ARFGEF1: variants seen among roughly 807,000 people sequenced by gnomAD.
ARFGEF1 encodes the protein brefeldin A-inhibited guanine nucleotide-exchange protein 1.
A neutral mutation model predicts 231.0 loss-of-function variants in ARFGEF1; 42 were observed. The ratio of observed to expected loss-of-function variants is 0.18; its 90% CI spans 0.14 to 0.24. ARFGEF1 has a LOEUF of 0.24. ARFGEF1 is among the 10% of genes least tolerant of loss of function. The pLI is 1.00. For missense variants in ARFGEF1, 1,345 were observed against 2,192.0 expected (o/e 0.61, Z 7.72); for synonymous variants, 710 against 732.3 (o/e 0.97, Z 0.49).
chr8:67,321,920 A>G (rs1807615350), intron 1 of ARFGEF1, among the ~76,000 whole-genome samples: 1 of 152,204 alleles, frequency 6.6e-6, no homozygotes, highest in South Asian at 2.1e-4. Flanking sequence ...GCTCTTCAGC[A>G]TGGCACACAA....
intron 6 of ARFGEF1, among the ~76,000 whole-genome samples, chr8:67,290,130 A>G (rs571985586): frequency 6.6e-6 from 1 of 152,360 alleles, no homozygotes; most frequent in African/African-American, 2.4e-5. Flanking sequence ...ATTTTCATTT[A>G]TATCAGCTAT....
intron 1 of ARFGEF1, among the ~76,000 whole-genome samples, chr8:67,330,116 CTA>C: frequency 6.6e-6 from 1 of 151,986 alleles, no homozygotes; most frequent in Non-Finnish European, 1.5e-5. Context: ...ACAAAAAGAA[CTA>C]TAATAGTGAC....
intron 1 of ARFGEF1, among the ~76,000 whole-genome samples, chr8:67,338,351 T>G (rs1362823673): frequency 6.6e-6 from 1 of 152,152 alleles, no homozygotes; most frequent in Non-Finnish European, 1.5e-5. Flanking sequence ...CTTTCCCCAG[T>G]GTCCCAAAGT....
chr8:67,230,611 A>G (rs779837264), intron 23 of ARFGEF1, among the ~76,000 whole-genome samples: 1 of 152,066 alleles, frequency 6.6e-6, no homozygotes, highest in African/African-American at 2.4e-5. Flanking sequence ...GAAATATTCC[A>G]AAGTCTGAGG....
intron 3 of ARFGEF1, among the ~76,000 whole-genome samples, chr8:67,300,660 CAAAAAAAAAAAAAA>C (rs200434355): frequency 3.4e-5 from 3 of 88,660 alleles, no homozygotes; most frequent in South Asian, 3.7e-4. Flanking sequence ...CTTGTCTCTT[CAAAAAAAAAAAAAA>C]AAAAAAAAAA....
At chr8:67,287,724 A>AG (rs1450394304) in intron 7 of ARFGEF1, among the ~76,000 whole-genome samples, 1 of 152,188 alleles carries the variant, frequency 6.6e-6, no homozygotes, top group East Asian at 1.9e-4. Context: ...TTCCAGACTT[A>AG]GCTTCTTAAA....
At chr8:67,174,363 G>A (rs1393672555), downstream of ARFGEF1, 1 of 151,980 alleles carries the variant, frequency 6.6e-6, no homozygotes, top group Non-Finnish European at 1.5e-5. Flanking sequence ...TATATATTTA[G>A]GATCATTTCT....
At chr8:67,299,753 T>C (rs745981061) in intron 3 of ARFGEF1, among the ~76,000 whole-genome samples, 33 of 152,082 alleles carry the variant, frequency 2.2e-4, no homozygotes, top group Non-Finnish European at 4.1e-4. Context: ...GGTGGACTGC[T>C]TGAGCTTAGG....
chr8:67,244,287 CTCG>C (rs1425981782), intron 19 of ARFGEF1, among the ~76,000 whole-genome samples: 1 of 128,872 alleles, frequency 7.8e-6, no homozygotes, highest in Non-Finnish European at 1.6e-5. Flanking sequence ...TACTGAGTCT[CTCG>C]TCTCTCTCTC....
intron 5 of ARFGEF1, chr8:67,179,994 A>G: frequency 2.4e-6 from 2 of 848,718 alleles, no homozygotes; most frequent in Non-Finnish European, 3.9e-6. Flanking sequence ...CTTAAAAACC[A>G]GTACTGTATT....
intron 23 of ARFGEF1, among the ~76,000 whole-genome samples, chr8:67,230,359 T>C (rs1839514622): frequency 6.6e-6 from 1 of 152,120 alleles, no homozygotes; most frequent in South Asian, 2.1e-4. Context: ...TTGGTAAGAT[T>C]ACTGCTTAAT....
At chr8:67,302,579 G>A in intron 1 of ARFGEF1, 113 bp from the exon 2 acceptor site, 1 of 666,204 alleles carries the variant, frequency 1.5e-6, no homozygotes, top group South Asian at 3.6e-5. Flanking sequence ...TGGAAAGAAT[G>A]CAAATTTAAT....
chr8:67,266,529 TTC>T (rs780265712), intron 13 of ARFGEF1, among the ~76,000 whole-genome samples: 2 of 152,152 alleles, frequency 1.3e-5, no homozygotes, highest in East Asian at 3.9e-4. Flanking sequence ...CTATGAGTTT[TTC>T]TCTGAGTGAG....
At chr8:67,219,168 T>C (rs1259606915) in intron 30 of ARFGEF1, among the ~76,000 whole-genome samples, 2 of 152,182 alleles carry the variant, frequency 1.3e-5, no homozygotes, top group Non-Finnish European at 1.5e-5. Flanking sequence ...GGTTTCACCA[T>C]GTTGGCCAGG....
chr8:67,201,734 A>G, intron 36 of ARFGEF1, 129 bp from the exon 37 acceptor site: 5 of 1,232,742 alleles, frequency 4.1e-6, no homozygotes, highest in Non-Finnish European at 5.7e-6. Flanking sequence ...ACGGAGCCAC[A>G]GCAGCCTGAT....
chr8:67,234,880 T>C (rs1017603047), intron 22 of ARFGEF1, among the ~76,000 whole-genome samples: 4 of 151,870 alleles, frequency 2.6e-5, no homozygotes, highest in Non-Finnish European at 5.9e-5. Context: ...TGACACAGTA[T>C]TGGGGTGGTA....
At chr8:67,224,859 G>C in intron 29 of ARFGEF1, 44 bp downstream of exon 29, 1 of 1,384,848 alleles carries the variant, frequency 7.2e-7, no homozygotes, top group Non-Finnish European at 9.7e-7. Context: ...TTTGATTAAA[G>C]TCAAAATAAA....
chr8:67,333,962 C>T (rs543849365), intron 1 of ARFGEF1, among the ~76,000 whole-genome samples: 14 of 151,966 alleles, frequency 9.2e-5, no homozygotes, highest in African/African-American at 3.1e-4. Context: ...CATGGCAAAA[C>T]CCCATCTCTA....
chr8:67,308,293 C>G (rs767837056), intron 1 of ARFGEF1, among the ~76,000 whole-genome samples: 3 of 152,130 alleles, frequency 2.0e-5, no homozygotes, highest in Admixed American at 6.5e-5. Flanking sequence ...GTTTATTATA[C>G]AGCGATGGAC....
Sources: allele counts gnomAD v4.1 joint callset (sites outside exome capture counted in the v4.1 genomes callset), GRCh38; gene constraint gnomAD v4.1.1; transcripts MANE v1.5; gene names NCBI Gene and HGNC (gene_info 2026-07-23, HGNC 2026-07-21).